NR5A2: variants seen among roughly 807,000 people sequenced by gnomAD.
NR5A2 encodes CYP7A promoter-binding factor.
In NR5A2, 26 loss-of-function variants were observed where a neutral mutation model predicts 62.7. The ratio of observed to expected loss-of-function variants is 0.41; its 90% confidence interval spans 0.30 to 0.58. The LOEUF (loss-of-function observed/expected upper bound fraction) is 0.58, where lower values mean the gene tolerates loss of function less well. Among genes scored for constraint, NR5A2 ranks in the 20% least tolerant of loss-of-function variants. The pLI, the probability that NR5A2 is intolerant of heterozygous loss-of-function variation, is 0.22. For synonymous variants in NR5A2, 246 were observed against 241.7 expected (o/e 1.02, Z -0.16); for missense variants, 541 against 669.1 (o/e 0.81, Z 2.11).
intron 5 of NR5A2, among the ~76,000 whole-genome samples, chr1:200,074,281 C>G (rs959055438): frequency 1.3e-5 from 2 of 151,318 alleles, no homozygotes; most frequent in African/African-American, 4.9e-5. Context: ...GATTGTAAGA[C>G]TGTAGTTAAA....
At chr1:200,122,001 A>T (rs1163877026) in intron 7 of NR5A2, among the ~76,000 whole-genome samples, 1 of 152,242 alleles carries the variant, frequency 6.6e-6, no homozygotes, top group Admixed American at 6.5e-5. Context: ...AACCAGAGTT[A>T]ATTTTTCATG....
At chr1:200,171,623 T>TA (rs1654185190) in intron 7 of NR5A2, among the ~76,000 whole-genome samples, 16 of 152,026 alleles carry the variant, frequency 1.1e-4, no homozygotes, top group Admixed American at 8.5e-4. Flanking sequence ...GTGACACAAG[T>TA]CTGTAACCCC....
chr1:200,053,569 G>GCGCACACACACACA lies in NR5A2; in HGVS notation c.1110+4752_1110+4753insGCACACACACACAC, dbSNP rs374944913. ...CCCTCATCCCCCCCAGCATGCACAC[G>GCGCACACACACACA]CACACACACACACACACACACACAC... On this transcript the variant is annotated intron_variant, in intron 5 of 7. Transcript: ENST00000367362. 4.7e-3 allele frequency among the ~76,000 whole-genome samples: 674 copies of GCGCACACACACACA among 142,094 alleles called. 9 individuals carry two copies. The highest frequency in any genetic ancestry group is 0.015 in the African/African-American group (551 of 37,672). 93.2% of individuals were successfully genotyped at this position (142,094 alleles called of 152,430 possible).
intron 5 of NR5A2, among the ~76,000 whole-genome samples, chr1:200,073,491 T>C (rs1663850681): frequency 6.6e-6 from 1 of 151,816 alleles, no homozygotes; most frequent in African/African-American, 2.4e-5. Flanking sequence ...TCCCATGTAC[T>C]TTAAATCATC....
chr1:200,066,199 A>G (rs988295801), intron 5 of NR5A2, among the ~76,000 whole-genome samples: 1 of 152,110 alleles, frequency 6.6e-6, no homozygotes, highest in Non-Finnish European at 1.5e-5. Flanking sequence ...GGGCAGGAGA[A>G]TGGAGATGGG....
chr1:200,173,936 CTTT>C lies in NR5A2; in HGVS notation c.1379-10_1379-8del, dbSNP rs3034024. 31,087 of 1,206,816 alleles carry C rather than the reference CTTT, an allele frequency of 0.026. 27 individuals are homozygous for C. The highest frequency in any genetic ancestry group is 0.089 in the East Asian group (2,787 of 31,230). 74.8% of individuals were successfully genotyped at this position (1,206,816 alleles called of 1,614,324 possible). ...GAATTGAAATGCTATTGAAATGTTG[CTTT>C]TTTTTTTTTTTTTTTTAATGCAGAT... On this transcript the variant is annotated intron_variant, in intron 7 of 7. Coordinates refer to ENST00000367362, the MANE Select transcript of NR5A2 (RefSeq NM_205860.3).
chr1:200,090,810 G>A (rs1277472552), intron 5 of NR5A2, among the ~76,000 whole-genome samples: 1 of 152,062 alleles, frequency 6.6e-6, no homozygotes, highest in Non-Finnish European at 1.5e-5. Context: ...CTAGGTAACT[G>A]ACAAACAGAC....
chr1:200,074,011 T>C (rs549023742), intron 5 of NR5A2, among the ~76,000 whole-genome samples: 1 of 152,252 alleles, frequency 6.6e-6, no homozygotes, highest in East Asian at 1.9e-4. Flanking sequence ...GCCATTTGAA[T>C]CAACTCAATC....
intron 5 of NR5A2, among the ~76,000 whole-genome samples, chr1:200,050,582 G>C (rs1662583743): frequency 6.6e-6 from 1 of 152,198 alleles, no homozygotes; most frequent in Admixed American, 6.5e-5. Context: ...AGTAAAGTGT[G>C]GTGCTGTTTT....
chr1:200,056,365 C>G (rs1662917291), intron 5 of NR5A2, among the ~76,000 whole-genome samples: 1 of 152,122 alleles, frequency 6.6e-6, no homozygotes, highest in African/African-American at 2.4e-5. Context: ...CCTCAAAACT[C>G]CCATGCATTA....
chr1:200,148,710 T>C (rs1667840024), intron 7 of NR5A2, among the ~76,000 whole-genome samples: 1 of 152,232 alleles, frequency 6.6e-6, no homozygotes, highest in African/African-American at 2.4e-5. Flanking sequence ...AAATCATTTC[T>C]ATGTGGATGA....
chr1:200,027,795 T>C lies in NR5A2; in HGVS notation c.-53T>C. ...AAATTTGACAAGCTGCACTTTTCTT[T>C]TGCTCAATGATTTCTGCTTTAAGCC... is the stretch of plus-strand genomic sequence containing the variant. On this transcript the variant is annotated 5_prime_UTR_variant, in exon 1 of 8. Transcript: ENST00000367362. 8 of 1,388,182 alleles carry C rather than the reference T, an allele frequency of 5.8e-6. No individual in the cohort carries two copies. The highest frequency in any genetic ancestry group is 7.0e-6 in the Non-Finnish European group (7 of 995,102). The allele number at this position is 1,388,182 out of a possible 1,614,324, so 86.0% of individuals were successfully genotyped here.
intron 5 of NR5A2, among the ~76,000 whole-genome samples, chr1:200,053,432 G>A (rs1025084418): frequency 3.9e-5 from 6 of 152,116 alleles, no homozygotes; most frequent in Non-Finnish European, 8.8e-5. Flanking sequence ...TTTTACATAT[G>A]AAGAAACTGA....
chr1:200,118,786 T>G (rs1666356123), intron 6 of NR5A2, among the ~76,000 whole-genome samples: 1 of 152,232 alleles, frequency 6.6e-6, no homozygotes, highest in Non-Finnish European at 1.5e-5. Context: ...ACTGGCAAAA[T>G]GATAGTTGAG....
chr1:200,117,486 G>T (rs760402755), intron 6 of NR5A2, among the ~76,000 whole-genome samples: 6 of 152,094 alleles, frequency 3.9e-5, no homozygotes, highest in Non-Finnish European at 5.9e-5. Flanking sequence ...CTCACTAAAG[G>T]TCTCTCACTA....
intron 7 of NR5A2, among the ~76,000 whole-genome samples, chr1:200,142,062 A>C (rs1667463710): frequency 6.6e-6 from 1 of 151,894 alleles, no homozygotes; most frequent in South Asian, 2.1e-4. Context: ...TCTAGTTTTT[A>C]AGCTTTTTTC....
intron 5 of NR5A2, among the ~76,000 whole-genome samples, chr1:200,055,340 G>T (rs752392204): frequency 2.6e-5 from 4 of 152,030 alleles, no homozygotes; most frequent in Non-Finnish European, 5.9e-5. Flanking sequence ...GGATTATAGC[G>T]CCTGCCACCA....
intron 5 of NR5A2, among the ~76,000 whole-genome samples, chr1:200,063,565 A>G (rs183906517): frequency 6.6e-6 from 1 of 152,292 alleles, no homozygotes; most frequent in Admixed American, 6.5e-5. Flanking sequence ...TTATCAATGA[A>G]GTGTTATAAT....
chr1:200,123,142 A>G (rs1160863094), intron 7 of NR5A2, among the ~76,000 whole-genome samples: 2 of 152,004 alleles, frequency 1.3e-5, no homozygotes, highest in African/African-American at 2.4e-5. Context: ...AGCCTGCTAT[A>G]TTTTTGTCTC....
Sources: gnomAD v4.1 joint callset for allele counts (sites outside exome capture counted in the v4.1 genomes callset) on GRCh38, gnomAD v4.1.1 for gene constraint, MANE v1.5 for transcripts, NCBI Gene and HGNC (gene_info 2026-07-23, HGNC 2026-07-21) for gene names.